Variants in SYT1 observed in about 807,000 individuals in gnomAD.
SYT1 encodes the protein synaptotagmin-1.
Under a neutral mutation model 44.8 loss-of-function variants are expected in SYT1, and 8 were observed. The observed-to-expected ratio is 0.18, with a 90% CI of 0.10 to 0.32. The LOEUF is 0.32. Ranked by LOEUF, SYT1 falls within the 10% of genes least tolerant of loss-of-function variation. The pLI, the probability that SYT1 is intolerant of heterozygous loss-of-function variation, is 1.00. For missense variants in SYT1, 286 were observed against 509.3 expected (o/e 0.56, Z 4.22); for synonymous variants, 154 against 188.8 (o/e 0.82, Z 1.51).
At chr12:78,886,014 T>C (rs1488078247) in intron 1 of SYT1, among the ~76,000 whole-genome samples, 3 of 151,902 alleles carry the variant, frequency 2.0e-5, no homozygotes, top group Non-Finnish European at 4.4e-5. Flanking sequence ...ATCCATTTTT[T>C]ATAAGAAATG....
At chr12:79,032,681 G>A (rs1407766822) in intron 2 of SYT1, among the ~76,000 whole-genome samples, 1 of 151,248 alleles carries the variant, frequency 6.6e-6, no homozygotes, top group African/African-American at 2.4e-5. Flanking sequence ...GATAGATGGT[G>A]TTACAAGATT....
intron 2 of SYT1, among the ~76,000 whole-genome samples, chr12:79,007,002 C>T (rs1871134493): frequency 6.6e-6 from 1 of 152,048 alleles, no homozygotes; most frequent in African/African-American, 2.4e-5. Context: ...TACAAATATA[C>T]CCCTAAGCTC....
chr12:78,993,617 A>G (rs2137495793), intron 2 of SYT1, among the ~76,000 whole-genome samples: 1 of 152,332 alleles, frequency 6.6e-6, no homozygotes, highest in Middle Eastern at 3.4e-3. Context: ...CTCTGCATTT[A>G]TTTATTTTAA....
intron 3 of SYT1, among the ~76,000 whole-genome samples, chr12:79,058,205 C>A (rs931532570): frequency 2.2e-4 from 33 of 152,016 alleles, no homozygotes; most frequent in African/African-American, 7.7e-4. Context: ...AAGATGTTTT[C>A]TTTCCATTTT....
intron 1 of SYT1, among the ~76,000 whole-genome samples, chr12:78,876,502 A>G (rs117652069): frequency 0.011 from 1,340 of 121,498 alleles, 13 homozygotes; most frequent in Non-Finnish European, 0.016. Flanking sequence ...ACTCTGCTCC[A>G]TCAGGCTCTT....
chr12:78,902,894 G>C (rs1875742009), intron 1 of SYT1, among the ~76,000 whole-genome samples: 2 of 152,052 alleles, frequency 1.3e-5, no homozygotes, highest in Admixed American at 6.6e-5. Flanking sequence ...AAACATACTG[G>C]ATGCACCATT....
At chr12:79,112,025 G>C (rs1014991380) in intron 3 of SYT1, among the ~76,000 whole-genome samples, 3 of 142,588 alleles carry the variant, frequency 2.1e-5, no homozygotes, top group African/African-American at 7.8e-5. Context: ...GAAAGGATCA[G>C]GAAAAAAAAA....
At chr12:79,442,533 G>T (rs899490809) in intron 9 of SYT1, among the ~76,000 whole-genome samples, 3 of 152,094 alleles carry the variant, frequency 2.0e-5, no homozygotes, top group Non-Finnish European at 4.4e-5. Flanking sequence ...TCCTAGTAAT[G>T]CAGTCTCTGG....
At chr12:78,947,566 GATTAAAACTTTAAAATATGTACTAA>G (rs1482413799) in intron 1 of SYT1, among the ~76,000 whole-genome samples, 27 of 150,788 alleles carry the variant, frequency 1.8e-4, no homozygotes, top group Middle Eastern at 6.8e-3. Context: ...GTCTAATGGA[GATTAAAACTTTAAAATATGTACTAA>G]ATTGGTGTTC....
Position 79,375,853 on chromosome 12 carries a change from G to GA in SYT1, c.928+22244dup, listed in dbSNP as rs920611912. ...CTCAAAAGTACCTGATGAATAAATG[G>GA]AAAAAAAAAATCAACTCACAATGAT... On this transcript the variant is annotated intron_variant, in intron 9 of 10. Transcript: ENST00000261205. Among the ~76,000 whole-genome samples the GA allele has an allele frequency of 4.8e-3, 716 of 148,778 alleles. 3 individuals are homozygous for GA. Among genetic ancestry groups the GA allele is most frequent in the African/African-American group, 0.014 (586 of 40,570 alleles).
At chr12:79,248,422 GA>G (rs766598012) in intron 4 of SYT1, among the ~76,000 whole-genome samples, 1 of 152,080 alleles carries the variant, frequency 6.6e-6, no homozygotes. Context: ...ATTCAAAAAA[GA>G]AAAAATATTT....
At chr12:79,175,846 G>C (rs1431077244) in intron 3 of SYT1, among the ~76,000 whole-genome samples, 1 of 151,988 alleles carries the variant, frequency 6.6e-6, no homozygotes, top group Non-Finnish European at 1.5e-5. Context: ...TTGCTTCTAA[G>C]ACCTGGGGGT....
intron 1 of SYT1, among the ~76,000 whole-genome samples, chr12:78,966,034 G>A (rs887503629): frequency 6.7e-5 from 10 of 149,010 alleles, no homozygotes; most frequent in Non-Finnish European, 8.9e-5. Context: ...ATGAGACCAC[G>A]CCACTGCATT....
chr12:78,985,461 G>A (rs1487045592), intron 2 of SYT1, among the ~76,000 whole-genome samples: 2 of 151,686 alleles, frequency 1.3e-5, no homozygotes, highest in East Asian at 1.9e-4. Flanking sequence ...ATCATTTGGG[G>A]TTAGTGGTTG....
intron 1 of SYT1, among the ~76,000 whole-genome samples, chr12:78,957,932 C>G (rs1420422902): frequency 2.0e-5 from 3 of 152,084 alleles, no homozygotes; most frequent in Non-Finnish European, 2.9e-5. Flanking sequence ...TGCTTTCCAG[C>G]CTTCAGATAA....
rs372713408 is a variant in SYT1 at position 79,256,881 on chromosome 12, G to C, written c.167-28906G>C. ...TATGAGAATATTATATTTTACGCAG[G>C]GTATACCCATGATTCATCTTTAAAT... On this transcript the variant is annotated intron_variant, in intron 4 of 10. Coordinates refer to ENST00000261205, the MANE Select transcript of SYT1 (RefSeq NM_005639.3). 4.6e-5 allele frequency among the ~76,000 whole-genome samples: 7 copies of C among 152,132 alleles called. 1 individual carries two copies. Among genetic ancestry groups the C allele is most frequent in the Admixed American group, 3.3e-4 (5 of 15,276 alleles).
chr12:79,265,332 G>A (rs1262108466), intron 4 of SYT1, among the ~76,000 whole-genome samples: 1 of 152,030 alleles, frequency 6.6e-6, no homozygotes, highest in Non-Finnish European at 1.5e-5. Context: ...GCAAAGCTAG[G>A]AGTCCAAATC....
At chr12:79,269,053 G>T (rs2141701) in intron 4 of SYT1, among the ~76,000 whole-genome samples, 47,556 of 150,854 alleles carry the variant, frequency 0.32, 7,805 homozygotes, top group East Asian at 0.58. Context: ...CCATGAAGTC[G>T]TTTTTGAATT....
At chr12:78,924,345 G>C (rs1877181069) in intron 1 of SYT1, among the ~76,000 whole-genome samples, 2 of 151,716 alleles carry the variant, frequency 1.3e-5, no homozygotes, top group Non-Finnish European at 2.9e-5. Context: ...AAATATATTG[G>C]GGAAAGTTAC....
Sources: gnomAD v4.1 joint callset for allele counts (sites outside exome capture counted in the v4.1 genomes callset) on GRCh38, gnomAD v4.1.1 for gene constraint, MANE v1.5 for transcripts, NCBI Gene and HGNC (gene_info 2026-07-23, HGNC 2026-07-21) for gene names.